The following APC variants were observed in gnomAD, a reference collection of about 807,000 sequenced individuals.
APC encodes the protein APC regulator of Wnt signaling pathway.
In APC, 72 loss-of-function variants were observed where a neutral mutation model predicts 247.0. The observed-to-expected ratio is 0.29, with a 90% CI of 0.24 to 0.35. The LOEUF is 0.35. APC is among the 10% of genes least tolerant of loss of function. The probability of loss-of-function intolerance (pLI) is 1.00; values close to 1 mark genes in which losing one functional copy is unlikely to be tolerated. For missense variants in APC, 3,400 were observed against 3,360.7 expected (o/e 1.01, Z -0.29); for synonymous variants, 1,254 against 1,162.5 (o/e 1.08, Z -1.60).
chr5:112,738,028 TC>T, intron 1 of APC, 103 bp downstream of exon 1: 1 of 762,416 alleles, frequency 1.3e-6, no homozygotes, highest in Non-Finnish European at 1.6e-6. Flanking sequence ...TGGCACAGGG[TC>T]CACTGCAGCA....
intron 7 of APC, 99 bp downstream of exon 7, chr5:112,792,628 A>T: frequency 1.2e-6 from 1 of 844,352 alleles, no homozygotes; most frequent in Admixed American, 2.0e-5. Context: ...TGAAATATAG[A>T]TGTTCTTTCA....
chr5:112,773,929 A>G (rs1055810754), intron 4 of APC, among the ~76,000 whole-genome samples: 9 of 152,220 alleles, frequency 5.9e-5, no homozygotes, highest in African/African-American at 2.2e-4. Flanking sequence ...AAAACTAGAC[A>G]TGAAAAAGCA....
At chr5:112,795,376 G>A (rs1760105297) in intron 7 of APC, among the ~76,000 whole-genome samples, 1 of 152,070 alleles carries the variant, frequency 6.6e-6, no homozygotes, top group Non-Finnish European at 1.5e-5. Flanking sequence ...ACTGAGTTTT[G>A]GTATCCATAA....
chr5:112,790,284 C>T (rs972410958), intron 6 of APC, among the ~76,000 whole-genome samples: 13 of 151,580 alleles, frequency 8.6e-5, no homozygotes, highest in Non-Finnish European at 1.2e-4. Context: ...GGACTGTGAG[C>T]ACAGCTTCTT....
At chr5:112,731,068 A>G (rs1406018851) in intron 1 of APC, among the ~76,000 whole-genome samples, 1 of 151,856 alleles carries the variant, frequency 6.6e-6, no homozygotes, top group Non-Finnish European at 1.5e-5. Context: ...ATAATTATAT[A>G]TCATATAATT....
Position 112,707,850 on chromosome 5 carries a change from C to G in APC, c.133C>G (p.Arg45Gly), listed in dbSNP as rs755954869. ...GGAGACGAAGAGCCCGGGCGGCGCT[C>G]GTACTTCTGGCCACTGGGCGAGCGT... is the stretch of plus-strand genomic sequence containing the variant. The change falls in exon 1 of 14, where the codon CGT (arginine) becomes GGT (glycine). Residue 45 changes from arginine (R) to glycine (G), a missense_variant. Coordinates refer to the APC transcript ENST00000507379. The G allele has an allele frequency of 2.2e-6, 3 of 1,370,354 alleles. No individual in the cohort carries two copies. The highest frequency in any genetic ancestry group is 6.8e-5 in the East Asian group (2 of 29,408). The allele number at this position is 1,370,354 out of a possible 1,614,324, so 84.9% of individuals were successfully genotyped here.
Position 112,842,102 on chromosome 5 carries a change from C to G in APC, c.6508C>G (p.Pro2170Ala), listed in dbSNP as rs1229142303. 6.2e-7 allele frequency: 1 copy of G among 1,610,860 alleles called. No homozygotes were observed. Among genetic ancestry groups the G allele is most frequent in the Non-Finnish European group, 8.5e-7 (1 of 1,177,694 alleles). ...TAATAAAGGCCCACGAATTCTAAAA[C>G]CAGGGGAGAAAAGTACATTGGAAAC... ...TSNKGPRILK[P>A]GEKSTLETKK... Residue 2170 changes from proline (P) to alanine (A), a missense_variant, in exon 16 of 16, where the codon CCA (proline) becomes GCA (alanine). By Grantham distance (27) the Pro-to-Ala change is conservative. Around this residue, in one of 9 missense-constraint regions of APC, gnomAD observed 1,788 missense variants for 1,649.5 expected, o/e 1.08. Coordinates refer to ENST00000257430, the MANE Select transcript of APC (RefSeq NM_000038.6).
chr5:112,810,083 TAC>T, intron 8 of APC: 1 of 454,860 alleles, frequency 2.2e-6, no homozygotes, highest in Non-Finnish European at 4.4e-6. Flanking sequence ...CGTTAACTGA[TAC>T]AGACTATAAG....
At chr5:112,813,753 A>G (rs1762212759) in intron 8 of APC, among the ~76,000 whole-genome samples, 1 of 110,644 alleles carries the variant, frequency 9.0e-6, no homozygotes, top group Non-Finnish European at 1.9e-5. Flanking sequence ...CCTTGTCTCT[A>G]AAAAAAAAAA....
chr5:112,803,291 A>T (rs908266222), intron 8 of APC, among the ~76,000 whole-genome samples: 1 of 152,182 alleles, frequency 6.6e-6, no homozygotes, highest in Non-Finnish European at 1.5e-5. Flanking sequence ...TGCTAATGAG[A>T]TAATCAGTCA....
chr5:112,715,448 C>T (rs574366847), intron 1 of APC, among the ~76,000 whole-genome samples: 5 of 152,128 alleles, frequency 3.3e-5, no homozygotes, highest in Admixed American at 2.0e-4. Flanking sequence ...TTTGAGAAGC[C>T]GTTTGTGCTA....
chr5:112,832,972 T>G (rs1409106902), intron 14 of APC, among the ~76,000 whole-genome samples: 2 of 152,088 alleles, frequency 1.3e-5, no homozygotes, highest in Non-Finnish European at 2.9e-5. Flanking sequence ...TGTTTCCTGA[T>G]GGATATATAG....
intron 7 of APC, 59 bp downstream of exon 7, chr5:112,792,588 G>C: frequency 1.6e-6 from 2 of 1,223,992 alleles, no homozygotes; most frequent in South Asian, 1.2e-5. Context: ...TCTGAGAAAA[G>C]AAAACATGTA....
chr5:112,717,623 CTT>C (rs1751244368), intron 1 of APC, among the ~76,000 whole-genome samples: 1 of 152,122 alleles, frequency 6.6e-6, no homozygotes, highest in South Asian at 2.1e-4. Flanking sequence ...GACCTCAACT[CTT>C]TGTGTCTCAA....
At chr5:112,813,708 A>G (rs1345571236) in intron 8 of APC, among the ~76,000 whole-genome samples, 1 of 151,918 alleles carries the variant, frequency 6.6e-6, no homozygotes, top group African/African-American at 2.4e-5. Context: ...ACTTGAGCCA[A>G]AGAATTCAGA....
chr5:112,842,099 A>C lies in APC; in HGVS notation c.6505A>C (p.Lys2169Gln), dbSNP rs2149966404. The stretch of plus-strand genomic sequence containing the variant: ...AAGTAATAAAGGCCCACGAATTCTA[A>C]AACCAGGGGAGAAAAGTACATTGGA... ...FTSNKGPRILKPGEKSTLETK... is the reference protein window; with the variant it reads ...FTSNKGPRILQPGEKSTLETK... The change falls in exon 16 of 16, where the codon AAA becomes CAA. Residue 2169 changes from lysine to glutamine, a missense_variant. This residue lies in a region of APC where 1,788 missense variants were observed against 1,649.5 expected (regional missense o/e 1.08). Transcript: ENST00000257430. 1 of 1,611,332 alleles carries C rather than the reference A, an allele frequency of 6.2e-7. No individual in the cohort carries two copies. Among genetic ancestry groups the C allele is most frequent in the Non-Finnish European group, 8.5e-7 (1 of 1,177,892 alleles).
chr5:112,810,870 C>A (rs916228303), intron 8 of APC, among the ~76,000 whole-genome samples: 3 of 152,124 alleles, frequency 2.0e-5, no homozygotes, highest in African/African-American at 4.8e-5. Flanking sequence ...ACTAAAAATA[C>A]AAAACTTAGC....
chr5:112,840,165 T>C lies in APC; in HGVS notation c.4571T>C (p.Ile1524Thr), dbSNP rs200803739. The C allele has an allele frequency of 6.2e-7, 1 of 1,614,086 alleles. No individual in the cohort carries two copies. The highest frequency in any genetic ancestry group is 2.2e-5 in the East Asian group (1 of 44,886). The change falls in exon 16 of 16, where the codon ATA (isoleucine) becomes ACA (threonine). Residue 1524 changes from isoleucine (I) to threonine (T), a missense_variant. Physicochemically the swap from Ile to Thr is moderately conservative, Grantham distance 89 (BLOSUM62 -1). Transcript: ENST00000257430. The surrounding 1 kb of genome is among the most constrained non-coding windows in gnomAD (Gnocchi z 4.1). Reference sequence around the variant, plus strand: ...ATACAGAAAGATGTGGAATTAAGAATAATGCCTCCAGTTCAGGAAAATGAC... The same window carrying C: ...ATACAGAAAGATGTGGAATTAAGAACAATGCCTCCAGTTCAGGAAAATGAC... ...PFIQKDVELRIMPPVQENDNG... is the reference protein window; with the variant it reads ...PFIQKDVELRTMPPVQENDNG...
At chr5:112,797,017 T>C (rs1340007011) in intron 7 of APC, among the ~76,000 whole-genome samples, 1 of 152,136 alleles carries the variant, frequency 6.6e-6, no homozygotes, top group Admixed American at 6.5e-5. Flanking sequence ...TTATTAATAG[T>C]AATCCTCATT....
Sources: allele counts gnomAD v4.1 joint callset (sites outside exome capture counted in the v4.1 genomes callset), GRCh38; gene constraint gnomAD v4.1.1; regional missense constraint gnomAD v4.1.1; non-coding constraint Gnocchi (gnomAD v3.1); transcripts MANE v1.5; gene names NCBI Gene and HGNC (gene_info 2026-07-23, HGNC 2026-07-21).